ROR1: variants seen among roughly 807,000 people sequenced by gnomAD.
The protein encoded by ROR1 is ROR family WNT receptor 1.
Under a neutral mutation model 78.8 loss-of-function variants are expected in ROR1, and 19 were observed. The observed-to-expected ratio is 0.24, with a 90% CI of 0.17 to 0.35. The LOEUF (loss-of-function observed/expected upper bound fraction) is 0.35, where lower values mean the gene tolerates loss of function less well. ROR1 is among the 10% of genes least tolerant of loss of function. The pLI is 1.00. For missense variants in ROR1, 917 were observed against 1,177.8 expected (o/e 0.78, Z 3.24); for synonymous variants, 386 against 433.6 (o/e 0.89, Z 1.36).
chr1:64,009,269 C>T (rs1254041261), intron 1 of ROR1, 36 bp from the exon 2 acceptor site: 2 of 1,457,082 alleles, frequency 1.4e-6, no homozygotes, highest in East Asian at 2.3e-5. Context: ...TTAATATTGC[C>T]CTTGTCTTTC....
intron 1 of ROR1, among the ~76,000 whole-genome samples, chr1:63,936,096 G>C (rs1316200586): frequency 6.6e-6 from 1 of 152,220 alleles, no homozygotes; most frequent in Non-Finnish European, 1.5e-5. Context: ...CTGATTGAAA[G>C]ACCGTTATGG....
intron 1 of ROR1, among the ~76,000 whole-genome samples, chr1:63,897,183 C>T (rs1034995600): frequency 6.6e-6 from 1 of 152,200 alleles, no homozygotes; most frequent in Non-Finnish European, 1.5e-5. Flanking sequence ...GAAATTTTCT[C>T]TCTAGCAAGT....
chr1:64,140,080 G>T (rs762576732), intron 5 of ROR1, 29 bp from the exon 6 acceptor site: 1 of 1,600,214 alleles, frequency 6.2e-7, no homozygotes, highest in East Asian at 2.2e-5. Flanking sequence ...CCTGGCCTCT[G>T]GGAGTTAATA....
intron 1 of ROR1, among the ~76,000 whole-genome samples, chr1:63,973,051 C>T (rs1055240453): frequency 5.3e-5 from 8 of 152,228 alleles, no homozygotes; most frequent in African/African-American, 1.4e-4. Context: ...TGCTGCTTCT[C>T]TCCTTCTCCT....
intron 4 of ROR1, chr1:64,110,976 G>A (rs1648070711): frequency 6.6e-6 from 1 of 151,918 alleles, no homozygotes; most frequent in Non-Finnish European, 1.5e-5. Flanking sequence ...CGGGGGTGAA[G>A]CGGGGAGGGA....
chr1:64,062,631 A>T (rs1646926391), intron 4 of ROR1, among the ~76,000 whole-genome samples: 1 of 152,106 alleles, frequency 6.6e-6, no homozygotes, highest in South Asian at 2.1e-4. Context: ...TTTTTAAAGC[A>T]CTGACCTTTT....
intron 4 of ROR1, chr1:64,094,303 T>C (rs1647239579): frequency 6.6e-6 from 1 of 152,160 alleles, no homozygotes; most frequent in African/African-American, 2.4e-5. Context: ...ACTGGGGCTC[T>C]AGAAACCATG....
chr1:63,987,429 T>A (rs1269765564), intron 1 of ROR1, among the ~76,000 whole-genome samples: 1 of 152,188 alleles, frequency 6.6e-6, no homozygotes, highest in African/African-American at 2.4e-5. Flanking sequence ...TTTTTCAAGG[T>A]ATATGGGCTG....
Position 64,057,801 on chromosome 1 carries a change from TTTG to T in ROR1, c.482+7097_482+7099del, listed in dbSNP as rs776099867. 6.6e-5 allele frequency among the ~76,000 whole-genome samples: 10 copies of T among 152,198 alleles called. No individual in the cohort carries two copies. The East Asian group carries it at 9.6e-4, about 15-fold the overall frequency. On this transcript the variant is annotated intron_variant, in intron 4 of 8. Transcript: ENST00000371079. Reference sequence around the variant, plus strand: ...TTCTATATTGTTCTTTTTCAAGACTTTTGTTGTTGTTGTTATTCTGAGTGCTTT... The same window carrying T: ...TTCTATATTGTTCTTTTTCAAGACTTTTGTTGTTGTTATTCTGAGTGCTTT...
chr1:64,091,817 CA>C (rs1647199894), intron 4 of ROR1, among the ~76,000 whole-genome samples: 1 of 152,150 alleles, frequency 6.6e-6, no homozygotes, highest in African/African-American at 2.4e-5. Flanking sequence ...CTTTTCTCCT[CA>C]AAACTGAGTT....
chr1:63,923,720 C>A (rs1449809144), intron 1 of ROR1, among the ~76,000 whole-genome samples: 2 of 151,506 alleles, frequency 1.3e-5, no homozygotes, highest in Non-Finnish European at 2.9e-5. Context: ...CCAGATCATT[C>A]ATTCGCTTTT....
intron 1 of ROR1, among the ~76,000 whole-genome samples, chr1:63,877,306 G>A (rs1413150425): frequency 1.3e-5 from 2 of 152,132 alleles, no homozygotes; most frequent in Non-Finnish European, 2.9e-5. Context: ...GATCAACATA[G>A]ATTCAGATGT....
At chr1:64,135,759 A>G (rs566591531) in intron 4 of ROR1, among the ~76,000 whole-genome samples, 1 of 152,318 alleles carries the variant, frequency 6.6e-6, no homozygotes, top group South Asian at 2.1e-4. Flanking sequence ...TCTTTATGTC[A>G]GGTATATGAT....
At chr1:63,988,276 A>G (rs1430780813) in intron 1 of ROR1, among the ~76,000 whole-genome samples, 1 of 152,116 alleles carries the variant, frequency 6.6e-6, no homozygotes, top group Non-Finnish European at 1.5e-5. Context: ...AAATAAAACA[A>G]TTTTTTACTT....
chr1:64,081,919 G>A (rs1254772183), intron 4 of ROR1, among the ~76,000 whole-genome samples: 2 of 152,054 alleles, frequency 1.3e-5, no homozygotes, highest in Non-Finnish European at 2.9e-5. Flanking sequence ...TTTATACTTT[G>A]TTTTATGTTA....
intron 1 of ROR1, among the ~76,000 whole-genome samples, chr1:63,930,041 A>C (rs1375874508): frequency 2.0e-5 from 3 of 152,096 alleles, no homozygotes; most frequent in Admixed American, 1.3e-4. Flanking sequence ...AAGTATACAC[A>C]TGCCATGGTT....
At chr1:64,103,961 A>G (rs978371352) in intron 4 of ROR1, among the ~76,000 whole-genome samples, 1 of 152,102 alleles carries the variant, frequency 6.6e-6, no homozygotes, top group African/African-American at 2.4e-5. Context: ...ACAACTGGAA[A>G]GGTATTATAT....
chr1:64,034,040 T>C (rs183042105), intron 2 of ROR1, among the ~76,000 whole-genome samples: 1 of 152,214 alleles, frequency 6.6e-6, no homozygotes, highest in Non-Finnish European at 1.5e-5. Flanking sequence ...GCTGGAGCAG[T>C]GTCCAAGTAG....
Position 63,801,493 on chromosome 1 carries a change from C to T in ROR1, c.91+26985C>T, listed in dbSNP as rs543076628. On this transcript the variant is annotated intron_variant, in intron 1 of 8. Coordinates refer to ENST00000371079, the MANE Select transcript of ROR1 (RefSeq NM_005012.4). ...TATTTTTAGTAAAGACGGGGTTTCA[C>T]CATGTTGGCCAGGCTGGTCTTGAAC... Among the ~76,000 whole-genome samples the T allele has an allele frequency of 5.5e-4, 83 of 152,184 alleles. 1 individual carries two copies. The South Asian group carries it at 7.3e-3, about 13-fold the overall frequency.
Sources: allele counts gnomAD v4.1 joint callset (sites outside exome capture counted in the v4.1 genomes callset), GRCh38; gene constraint gnomAD v4.1.1; transcripts MANE v1.5; gene names NCBI Gene and HGNC (gene_info 2026-07-23, HGNC 2026-07-21).